The following APBB2 variants were observed in gnomAD, a reference collection of about 807,000 sequenced individuals.
APBB2 encodes Fe65-like 1.
In APBB2, 38 loss-of-function variants were observed where a neutral mutation model predicts 82.5. The observed-to-expected ratio is 0.46, with a 90% confidence interval of 0.36 to 0.60. APBB2 has a LOEUF of 0.60. Among genes scored for constraint, APBB2 ranks in the 20% least tolerant of loss-of-function variants. APBB2 has a pLI of 0.00. For synonymous variants in APBB2, 341 were observed against 368.2 expected (o/e 0.93, Z 0.85); for missense variants, 772 against 972.3 (o/e 0.79, Z 2.74).
chr4:41,018,029 A>G (rs1456695306), intron 5 of APBB2, among the ~76,000 whole-genome samples: 3 of 152,146 alleles, frequency 2.0e-5, no homozygotes, highest in Non-Finnish European at 4.4e-5. Flanking sequence ...TCTTTGCTGT[A>G]AAATGAAATT....
chr4:41,182,193 T>C (rs1771608746), intron 1 of APBB2, among the ~76,000 whole-genome samples: 1 of 152,180 alleles, frequency 6.6e-6, no homozygotes. Context: ...ATTTACAGTC[T>C]CCATTTCTCT....
Position 40,848,893 on chromosome 4 carries a change from G to A in APBB2, c.1530-18316C>T, listed in dbSNP as rs535775971. 1.4e-5 allele frequency: 14 copies of A among 985,296 alleles called. No individual in the cohort carries two copies. The African/African-American group carries it at 1.9e-4, about 14-fold the overall frequency. 61.0% of individuals were successfully genotyped at this position (985,296 alleles called of 1,614,324 possible). A position where few individuals can be genotyped will look rare whatever the true frequency, so the allele number is the denominator to read the frequency against. The stretch of plus-strand genomic sequence containing the variant: ...GAACCCTGAGGATCCCCCAGTCATT[G>A]TCAACATTCACAGCCATCTGAAGCT... On this transcript the variant is annotated intron_variant, in intron 12 of 17. Coordinates refer to ENST00000508593, the MANE Select transcript of APBB2 (RefSeq NM_004307.2).
At position 41,150,257 on chromosome 4, in the gene APBB2, G is replaced by GA. The variant is rs1475615728; in HGVS notation, c.-416-7116dup. On this transcript the variant is annotated intron_variant, in intron 1 of 17. Transcript: ENST00000508593. ...TAAATTGTGTAATTCAAGAGGATGT[G>GA]AAAAACATGTATTAAGTGTTGTCTA... Among the ~76,000 whole-genome samples, 12 of 152,206 alleles carry GA rather than the reference G, an allele frequency of 7.9e-5. 1 individual carries two copies.
At chr4:41,090,396 AT>A (rs1362633449) in intron 3 of APBB2, among the ~76,000 whole-genome samples, 4 of 152,168 alleles carry the variant, frequency 2.6e-5, no homozygotes, top group Non-Finnish European at 5.9e-5. Flanking sequence ...CCTCTCTCCT[AT>A]GGGTATGCCA....
Position 40,810,653 on chromosome 4 carries a change from G to GTAT in APBB2, c.*5436_*5438dup, listed in dbSNP as rs1236114847. Reference sequence around the variant, plus strand: ...TTTTTATAGTTGAACCAGGCTTATTGTATTTTAAATCCCTGAAGAAGAATT... The same window carrying GTAT: ...TTTTTATAGTTGAACCAGGCTTATTGTATTATTTTAAATCCCTGAAGAAGAATT... On this transcript the variant is annotated 3_prime_UTR_variant, in exon 18 of 18. Coordinates refer to ENST00000508593, the MANE Select transcript of APBB2 (RefSeq NM_004307.2). The GTAT allele has an allele frequency of 3.3e-5, 5 of 149,350 alleles. No individual in the cohort carries two copies. The highest frequency in any genetic ancestry group is 1.2e-4 in the African/African-American group (5 of 40,642). 9.3% of individuals were successfully genotyped at this position (149,350 alleles called of 1,614,324 possible). A position where few individuals can be genotyped will look rare whatever the true frequency, so the allele number is the denominator to read the frequency against.
intron 12 of APBB2, among the ~76,000 whole-genome samples, chr4:40,835,606 G>T (rs1475538377): frequency 1.3e-5 from 2 of 152,218 alleles, no homozygotes; most frequent in African/African-American, 4.8e-5. Context: ...CCGCTGCAGG[G>T]GTGCTGTGCG....
At chr4:41,090,105 C>G (rs550994511) in intron 3 of APBB2, among the ~76,000 whole-genome samples, 1 of 152,104 alleles carries the variant, frequency 6.6e-6, no homozygotes, top group Non-Finnish European at 1.5e-5. Context: ...AAAACACCAC[C>G]ATTTTCATCA....
intron 6 of APBB2, among the ~76,000 whole-genome samples, chr4:40,979,891 C>T (rs1321119388): frequency 6.6e-6 from 1 of 152,220 alleles, no homozygotes; most frequent in Non-Finnish European, 1.5e-5. Context: ...TTCTGACACA[C>T]AGAAGCTATG....
intron 4 of APBB2, among the ~76,000 whole-genome samples, chr4:41,056,088 G>A (rs1727740325): frequency 6.6e-6 from 1 of 152,100 alleles, no homozygotes; most frequent in Non-Finnish European, 1.5e-5. Context: ...GCTGAGGCAG[G>A]AGAAGCACTT....
chr4:41,065,703 G>A (rs1579711060), intron 3 of APBB2, 30 bp from the exon 4 acceptor site: 1 of 146,064 alleles, frequency 6.8e-6, no homozygotes, highest in African/African-American at 2.5e-5. Context: ...AAAAAAGGTA[G>A]AAACAAAACA....
intron 6 of APBB2, among the ~76,000 whole-genome samples, chr4:40,995,087 C>A (rs1803272392): frequency 6.6e-6 from 1 of 152,040 alleles, no homozygotes; most frequent in African/African-American, 2.4e-5. Flanking sequence ...ACTATCCCAG[C>A]CTGAGACCAT....
At chr4:40,855,734 TCAAAAAAAAAAA>T (rs1760988733) in intron 12 of APBB2, among the ~76,000 whole-genome samples, 1 of 82,900 alleles carries the variant, frequency 1.2e-5, no homozygotes, top group South Asian at 3.4e-4. Context: ...GGACTCTGTC[TCAAAAAAAAAAA>T]CAAAAAAAAG....
chr4:41,198,177 T>C, intron 1 of APBB2, among the ~76,000 whole-genome samples: 2 of 152,156 alleles, frequency 1.3e-5, no homozygotes, highest in Non-Finnish European at 2.9e-5. Flanking sequence ...CCCTAATACA[T>C]GTCTCTGAGG....
At chr4:40,982,406 AAAG>A (rs1560449636) in intron 6 of APBB2, among the ~76,000 whole-genome samples, 3 of 85,716 alleles carry the variant, frequency 3.5e-5, no homozygotes, top group Admixed American at 1.1e-4. Flanking sequence ...GAAAGGAAAG[AAAG>A]AAAGAAAGAA....
chr4:40,824,168 GA>G (rs1455019983), intron 15 of APBB2, among the ~76,000 whole-genome samples: 1 of 152,054 alleles, frequency 6.6e-6, no homozygotes, highest in Admixed American at 6.5e-5. Flanking sequence ...AACAAAAAAA[GA>G]AAAAGAAAAA....
chr4:41,057,943 C>T (rs992072418), intron 4 of APBB2, among the ~76,000 whole-genome samples: 1 of 152,182 alleles, frequency 6.6e-6, no homozygotes, highest in Non-Finnish European at 1.5e-5. Context: ...AGGGGCAAAG[C>T]CTGTCCTCTC....
Position 40,832,013 on chromosome 4 carries a change from T to TACACACACACACACACACACACACAC in APBB2, c.1530-1462_1530-1437dup, listed in dbSNP as rs1553930075. 1.4e-5 allele frequency among the ~76,000 whole-genome samples: 2 copies of TACACACACACACACACACACACACAC among 138,980 alleles called. No individual in the cohort carries two copies. Among genetic ancestry groups the TACACACACACACACACACACACACAC allele is most frequent in the African/African-American group, 2.7e-5 (1 of 37,136 alleles). The allele number at this position is 138,980 out of a possible 152,430, so 91.2% of individuals were successfully genotyped here. A position where few individuals can be genotyped will look rare whatever the true frequency, so the allele number is the denominator to read the frequency against. ...ACACATATTTATATATTTATTTATA[T>TACACACACACACACACACACACACAC]ACACACACACACACACACACACACA... is the stretch of plus-strand genomic sequence containing the variant. On this transcript the variant is annotated intron_variant, in intron 12 of 17. Coordinates refer to ENST00000508593, the MANE Select transcript of APBB2 (RefSeq NM_004307.2). This position sits in a 1 kb window ranked among gnomAD's most constrained non-coding sequence, Gnocchi z 4.8.
At chr4:41,147,481 CTTTTTTTTTTT>C (rs558746840) in intron 1 of APBB2, among the ~76,000 whole-genome samples, 2 of 103,110 alleles carry the variant, frequency 1.9e-5, no homozygotes, top group East Asian at 3.0e-4. Flanking sequence ...GTTTGGCCAG[CTTTTTTTTTTT>C]TTTTTTTTTT....
chr4:40,813,169 T>C lies in APBB2; in HGVS notation c.*2923A>G, dbSNP rs1744758815. 6.6e-6 allele frequency: 1 copy of C among 152,184 alleles called. No homozygotes were observed. The highest frequency in any genetic ancestry group is 1.5e-5 in the Non-Finnish European group (1 of 68,036). 9.4% of individuals were successfully genotyped at this position (152,184 alleles called of 1,614,324 possible). ...CAATAGAAATGTGACTACAAATCAT[T>C]ACAAAACCACTTTTTAGGCAATGTA... On this transcript the variant is annotated 3_prime_UTR_variant, in exon 18 of 18. Coordinates refer to ENST00000508593, the MANE Select transcript of APBB2 (RefSeq NM_004307.2).
Sources: allele counts gnomAD v4.1 joint callset (sites outside exome capture counted in the v4.1 genomes callset), GRCh38; gene constraint gnomAD v4.1.1; non-coding constraint Gnocchi (gnomAD v3.1); transcripts MANE v1.5; gene names NCBI Gene and HGNC (gene_info 2026-07-23, HGNC 2026-07-21).